Variants in DIAPH3 observed in about 807,000 individuals in gnomAD.
The protein encoded by DIAPH3 is protein diaphanous homolog 3.
Under a neutral mutation model 144.3 loss-of-function variants are expected in DIAPH3, and 117 were observed. The observed-to-expected ratio is 0.81, with a 90% confidence interval of 0.70 to 0.95. The LOEUF is 0.95. DIAPH3 is among the 40% of genes least tolerant of loss of function. The probability of loss-of-function intolerance (pLI) is 0.00; values close to 1 mark genes in which losing one functional copy is unlikely to be tolerated. For synonymous variants in DIAPH3, 519 were observed against 488.9 expected, an observed-to-expected ratio of 1.06 and a Z score of -0.81; for missense variants, 1,421 against 1,412.7, an observed-to-expected ratio of 1.01 and a Z score of -0.09.
chr13:59,666,252 G>A lies in DIAPH3; in HGVS notation c.*332C>T, dbSNP rs1471814718. The A allele has an allele frequency of 4.7e-6, 1 of 211,550 alleles. No individual in the cohort carries two copies. Among genetic ancestry groups the A allele is most frequent in the Non-Finnish European group, 9.2e-6 (1 of 108,354 alleles). The allele number at this position is 211,550 out of a possible 1,614,324, so 13.1% of individuals were successfully genotyped here. ...AAAATTCCAGTGGCTTAGAAAGATG[G>A]TATTTTCTTAAGGACACACTGCTGA... On this transcript the variant is annotated 3_prime_UTR_variant, in exon 28 of 28. Transcript: ENST00000400324.
intron 25 of DIAPH3, among the ~76,000 whole-genome samples, chr13:59,789,885 T>C (rs2039240280): frequency 6.6e-6 from 1 of 152,180 alleles, no homozygotes; most frequent in South Asian, 2.1e-4. Flanking sequence ...AAAATGGTGG[T>C]ATCATTAACC....
intron 20 of DIAPH3, among the ~76,000 whole-genome samples, chr13:59,911,316 T>C (rs1352810744): frequency 6.6e-6 from 1 of 152,170 alleles, no homozygotes; most frequent in Non-Finnish European, 1.5e-5. Flanking sequence ...CCAAGAAAGA[T>C]ACTATATTTA....
At chr13:60,000,884 T>C (rs1268513747) in intron 9 of DIAPH3, among the ~76,000 whole-genome samples, 1 of 152,164 alleles carries the variant, frequency 6.6e-6, no homozygotes, top group Non-Finnish European at 1.5e-5. Flanking sequence ...TTTCATTCCA[T>C]TCAATCTACA....
chr13:60,049,126 T>G (rs2056219613), intron 4 of DIAPH3, among the ~76,000 whole-genome samples: 1 of 152,102 alleles, frequency 6.6e-6, no homozygotes, highest in South Asian at 2.1e-4. Flanking sequence ...GACAAAGGAA[T>G]CAAAAAATTA....
At chr13:59,916,713 C>T (rs954132184) in intron 18 of DIAPH3, among the ~76,000 whole-genome samples, 1 of 152,120 alleles carries the variant, frequency 6.6e-6, no homozygotes, top group Admixed American at 6.5e-5. Context: ...AAGAAAACTG[C>T]TAAGCAGTAC....
In DIAPH3 at chr13:59,992,488, C is replaced by G. The variant is rs1175146511; in HGVS notation, c.1110G>C (p.Leu370Phe). Residue 370 changes from leucine to phenylalanine, a missense_variant, in exon 10 of 28, where the codon TTG becomes TTC. Coordinates refer to ENST00000400324, the MANE Select transcript of DIAPH3 (RefSeq NM_001042517.2). ...GGGCACTTACTGGCAATATCTCTTT[C>G]AATCCACAACGCATAAATTCATTTC... ...HIRNEFMRCG[L>F]KEILPNLKCI... 1 of 1,611,586 alleles carries G rather than the reference C, an allele frequency of 6.2e-7. No individual in the cohort carries two copies. Among genetic ancestry groups the G allele is most frequent in the Admixed American group, 1.7e-5 (1 of 59,772 alleles).
intron 27 of DIAPH3, among the ~76,000 whole-genome samples, chr13:59,743,306 G>A (rs531707983): frequency 2.0e-5 from 3 of 152,138 alleles, no homozygotes; most frequent in East Asian, 1.9e-4. Context: ...TCAAAGAGAC[G>A]GAAGACCAGA....
At chr13:60,051,765 T>C (rs2056357556) in intron 4 of DIAPH3, among the ~76,000 whole-genome samples, 1 of 152,202 alleles carries the variant, frequency 6.6e-6, no homozygotes, top group South Asian at 2.1e-4. Flanking sequence ...CAGATTCTGG[T>C]ACCTTGTCAG....
intron 5 of DIAPH3, among the ~76,000 whole-genome samples, chr13:60,038,868 A>T (rs1272528346): frequency 4.8e-5 from 4 of 83,912 alleles, no homozygotes; most frequent in African/African-American, 2.2e-4. Context: ...AGTATGATCT[A>T]TAAATGCTGA....
At chr13:59,702,355 TAA>T (rs2034157078) in intron 27 of DIAPH3, among the ~76,000 whole-genome samples, 1 of 152,118 alleles carries the variant, frequency 6.6e-6, no homozygotes, top group African/African-American at 2.4e-5. Flanking sequence ...TTTCAGTCTT[TAA>T]AAAAAGAAAA....
At chr13:59,959,740 G>A (rs1345035761) in intron 17 of DIAPH3, among the ~76,000 whole-genome samples, 1 of 152,178 alleles carries the variant, frequency 6.6e-6, no homozygotes, top group East Asian at 1.9e-4. Context: ...GTTGATTTTA[G>A]ATTAGTGAGA....
At chr13:59,987,892 A>C (rs2051531093) in intron 12 of DIAPH3, among the ~76,000 whole-genome samples, 1 of 151,852 alleles carries the variant, frequency 6.6e-6, no homozygotes, top group Admixed American at 6.6e-5. Flanking sequence ...TAAAGTGATA[A>C]ACAGGTTGGG....
At chr13:59,813,173 C>T (rs1233472289) in intron 24 of DIAPH3, among the ~76,000 whole-genome samples, 2 of 151,770 alleles carry the variant, frequency 1.3e-5, no homozygotes, top group East Asian at 3.9e-4. Flanking sequence ...CTGGCTATTG[C>T]TATTGTGTGA....
At chr13:60,032,596 C>G (rs2054888752) in intron 5 of DIAPH3, among the ~76,000 whole-genome samples, 1 of 152,208 alleles carries the variant, frequency 6.6e-6, no homozygotes, top group African/African-American at 2.4e-5. Flanking sequence ...GGCAGGGAAG[C>G]AGGGAGCAGT....
At chr13:59,961,636 T>C (rs1297714377) in intron 17 of DIAPH3, among the ~76,000 whole-genome samples, 2 of 152,178 alleles carry the variant, frequency 1.3e-5, no homozygotes, top group East Asian at 3.8e-4. Context: ...GCAGAGCACT[T>C]TAAATAAAAC....
At position 59,666,429 on chromosome 13, in the gene DIAPH3, G is replaced by T; in HGVS notation, c.*155C>A. The T allele has an allele frequency of 3.5e-6, 3 of 864,722 alleles. No individual in the cohort carries two copies. Among genetic ancestry groups the T allele is most frequent in the Non-Finnish European group, 5.1e-6 (3 of 588,902 alleles). The allele number at this position is 864,722 out of a possible 1,614,324, so 53.6% of individuals were successfully genotyped here. A position where few individuals can be genotyped will look rare whatever the true frequency, so the allele number is the denominator to read the frequency against. On this transcript the variant is annotated 3_prime_UTR_variant, in exon 28 of 28. Transcript: ENST00000400324. ...CCAAAACCTCCAGTACATAGAAAAA[G>T]CATTGCAATCATATATTTAGCTTTA...
At chr13:59,742,497 T>A (rs919829134) in intron 27 of DIAPH3, among the ~76,000 whole-genome samples, 1 of 151,480 alleles carries the variant, frequency 6.6e-6, no homozygotes, top group African/African-American at 2.4e-5. Context: ...TTACCTTAGA[T>A]CAATCCACAG....
chr13:60,081,595 C>A (rs924429139), intron 4 of DIAPH3, among the ~76,000 whole-genome samples: 12 of 151,952 alleles, frequency 7.9e-5, no homozygotes, highest in Non-Finnish European at 1.6e-4. Flanking sequence ...AACTAAGTAG[C>A]AAAATCAAAC....
At chr13:60,009,634 C>T (rs555733884) in intron 8 of DIAPH3, among the ~76,000 whole-genome samples, 3 of 152,310 alleles carry the variant, frequency 2.0e-5, no homozygotes, top group African/African-American at 7.2e-5. Flanking sequence ...GGTGTGGCAA[C>T]ACCTCTTCTA....
Sources: gnomAD v4.1 joint callset for allele counts (sites outside exome capture counted in the v4.1 genomes callset) on GRCh38, gnomAD v4.1.1 for gene constraint, MANE v1.5 for transcripts, NCBI Gene and HGNC (gene_info 2026-07-23, HGNC 2026-07-21) for gene names.